The following SPEN variants were observed in gnomAD, a reference collection of about 807,000 sequenced individuals.
SPEN encodes spen family transcriptional repressor.
Under a neutral mutation model 269.9 loss-of-function variants are expected in SPEN, and 18 were observed. The ratio of observed to expected loss-of-function variants is 0.07; its 90% CI spans 0.05 to 0.10. The LOEUF is 0.10. Among genes scored for constraint, SPEN ranks in the 10% least tolerant of loss-of-function variants. SPEN has a pLI of 1.00. For synonymous variants in SPEN, 1,726 were observed against 1,765.7 expected, an observed-to-expected ratio of 0.98 and a Z score of 0.56; for missense variants, 3,822 against 4,631.2, an observed-to-expected ratio of 0.83 and a Z score of 5.07.
In SPEN at chr1:15,922,233, C is replaced by CT. The variant is rs532904941; in HGVS notation, c.1750-5dup. The stretch of plus-strand genomic sequence containing the variant: ...AATTTGAAACTTGCATCAAACACCT[C>CT]TTTTTTTTTTTAAAGGTGGATTTTG... On this transcript the variant is annotated splice_polypyrimidine_tract_variant and intron_variant, in intron 9 of 14. Coordinates refer to ENST00000375759, the MANE Select transcript of SPEN (RefSeq NM_015001.3). 54,171 of 1,026,432 alleles carry CT rather than the reference C, an allele frequency of 0.053. No homozygotes were observed. The highest frequency in any genetic ancestry group is 0.057 in the East Asian group (1,577 of 27,630). The allele number at this position is 1,026,432 out of a possible 1,614,324, so 63.6% of individuals were successfully genotyped here. A position where few individuals can be genotyped will look rare whatever the true frequency, so the allele number is the denominator to read the frequency against.
In SPEN at chr1:15,934,953, G is replaced by A. The variant is rs1456771008; in HGVS notation, c.8713G>A (p.Asp2905Asn). The A allele has an allele frequency of 1.9e-6, 3 of 1,613,944 alleles. No individual in the cohort carries two copies. The highest frequency in any genetic ancestry group is 2.5e-6 in the Non-Finnish European group (3 of 1,180,002). ...TCCTGTGATTTCGTCTGTGAAGGCC[G>A]ATAGGCCATCCTTGGAGAAGCCCGA... ...ASPVISSVKA[D>N]RPSLEKPEPI... The change falls in exon 11 of 15, where the codon GAT becomes AAT. Residue 2905 changes from aspartate (D) to asparagine (N), a missense_variant. Around this residue, in one of 16 missense-constraint regions of SPEN, gnomAD observed 329 missense variants for 431.2 expected, o/e 0.76. Coordinates refer to ENST00000375759, the MANE Select transcript of SPEN (RefSeq NM_015001.3). This position sits in a 1 kb window ranked among gnomAD's most constrained non-coding sequence, Gnocchi z 9.2.
At chr1:15,855,851 A>C (rs2070380973) in intron 1 of SPEN, among the ~76,000 whole-genome samples, 1 of 151,688 alleles carries the variant, frequency 6.6e-6, no homozygotes, top group Non-Finnish European at 1.5e-5. Context: ...TGACAGAGCA[A>C]GACTCTGTCT....
At chr1:15,867,579 A>G (rs1004986099) in intron 1 of SPEN, among the ~76,000 whole-genome samples, 1 of 152,104 alleles carries the variant, frequency 6.6e-6, no homozygotes, top group Non-Finnish European at 1.5e-5. Context: ...AAATGCTGCT[A>G]TGAAAATATC....
chr1:15,849,346 T>A (rs1214966827), intron 1 of SPEN, among the ~76,000 whole-genome samples: 1 of 152,240 alleles, frequency 6.6e-6, no homozygotes, highest in African/African-American at 2.4e-5. Flanking sequence ...GTCGCTCGCT[T>A]TGAGCCGCTT....
chr1:15,897,345 T>C (rs643919), intron 3 of SPEN, among the ~76,000 whole-genome samples: 102,488 of 151,166 alleles, frequency 0.68, 36,753 homozygotes, highest in African/African-American at 0.92. Flanking sequence ...TACGCCATCA[T>C]GCCTGGCTAA....
chr1:15,860,965 C>A (rs1311315859), intron 1 of SPEN, among the ~76,000 whole-genome samples: 1 of 151,958 alleles, frequency 6.6e-6, no homozygotes, highest in African/African-American at 2.4e-5. Flanking sequence ...AGAGCAGTGG[C>A]ACGGTCTTGG....
chr1:15,885,811 T>C lies in SPEN; in HGVS notation c.881+9133T>C, dbSNP rs2070731502. ...GACAAGAAATACACCAAAAAAACCC[T>C]TTTTTTCCCATCAGTGGCAGACAAA... On this transcript the variant is annotated intron_variant, in intron 3 of 14. Coordinates refer to ENST00000375759, the MANE Select transcript of SPEN (RefSeq NM_015001.3). 2.0e-5 allele frequency among the ~76,000 whole-genome samples: 3 copies of C among 148,942 alleles called. No homozygotes were observed. In the South Asian group the frequency reaches 6.2e-4, roughly 31 times the overall value.
chr1:15,929,486 A>G lies in SPEN; in HGVS notation c.3246A>G (p.Ser1082=). The G allele has an allele frequency of 6.2e-7, 1 of 1,613,424 alleles. No individual in the cohort carries two copies. Among genetic ancestry groups the G allele is most frequent in the Non-Finnish European group, 8.5e-7 (1 of 1,179,800 alleles). Residue 1082 remains serine (S), a synonymous_variant, in exon 11 of 15, where the codon TCA becomes TCG. Transcript: ENST00000375759. The surrounding 1 kb of genome is among the most constrained non-coding windows in gnomAD (Gnocchi z 5.8). ...TTGGGTCTGGCTCAAGGCCCAGCTC[A>G]GACCTACAAGCAAGACTGGGAGAAC... The part of the protein sequence containing the change: ...ISVGSGSRPS[S]DLQARLGELA...
chr1:15,906,023 A>G (rs1449517299), intron 3 of SPEN, among the ~76,000 whole-genome samples: 1 of 152,204 alleles, frequency 6.6e-6, no homozygotes, highest in Non-Finnish European at 1.5e-5. Context: ...GATTATTGCC[A>G]TTGACTAAGT....
rs899547130 is a variant in SPEN at position 15,853,687 on chromosome 1, G to A, written c.83+5537G>A. 1.1e-4 allele frequency among the ~76,000 whole-genome samples: 17 copies of A among 147,974 alleles called. 1 individual carries two copies. Among genetic ancestry groups the A allele is most frequent in the Admixed American group, 1.0e-3 (15 of 14,830 alleles). On this transcript the variant is annotated intron_variant, in intron 1 of 14. Transcript: ENST00000375759. Reference sequence around the variant, plus strand: ...TTTTGTATTTTTTTTTTTTTGAGACGGAGTCTCACTCTGTCACCCAGGCTG... The same window carrying A: ...TTTTGTATTTTTTTTTTTTTGAGACAGAGTCTCACTCTGTCACCCAGGCTG...
At chr1:15,895,142 G>A (rs112205279) in intron 3 of SPEN, among the ~76,000 whole-genome samples, 2 of 152,044 alleles carry the variant, frequency 1.3e-5, no homozygotes, top group East Asian at 1.9e-4. Flanking sequence ...GGCTGATCTC[G>A]AGCTCCCGAC....
At chr1:15,914,008 T>C (rs1453078588) in intron 5 of SPEN, among the ~76,000 whole-genome samples, 1 of 152,248 alleles carries the variant, frequency 6.6e-6, no homozygotes, top group East Asian at 1.9e-4. Context: ...TCTGAATTTT[T>C]TGAAATATTA....
At chr1:15,909,196 A>G (rs1262824536) in intron 3 of SPEN, 125 bp from the exon 4 acceptor site, 1 of 972,400 alleles carries the variant, frequency 1.0e-6, no homozygotes, top group African/African-American at 1.6e-5. Context: ...GATGTGTAGA[A>G]TGCAGGGCCT....
intron 10 of SPEN, among the ~76,000 whole-genome samples, chr1:15,926,421 A>G (rs1557757361): frequency 1.3e-5 from 2 of 151,582 alleles, no homozygotes; most frequent in Admixed American, 6.6e-5. Context: ...ACATTTATAA[A>G]TATATTTACA....
rs1157173060 is a variant in SPEN at position 15,928,952 on chromosome 1, T to A, written c.2712T>A (p.Asp904Glu). 8 of 1,614,122 alleles carry A rather than the reference T, an allele frequency of 5.0e-6. No homozygotes were observed. Among genetic ancestry groups the A allele is most frequent in the Non-Finnish European group, 6.8e-6 (8 of 1,180,060 alleles). The part of the protein sequence containing the change: ...TPVEKLKAKL[D>E]NDTVKSSALD... ...TGGAAAAGTTGAAAGCCAAGCTTGA[T>A]AATGACACTGTCAAATCTTCTGCCC... The change falls in exon 11 of 15, where the codon GAT (aspartate) becomes GAA (glutamate). Residue 904 changes from aspartate (D) to glutamate (E), a missense_variant. Coordinates refer to ENST00000375759, the MANE Select transcript of SPEN (RefSeq NM_015001.3). This position sits in a 1 kb window ranked among gnomAD's most constrained non-coding sequence, Gnocchi z 5.7.
intron 3 of SPEN, among the ~76,000 whole-genome samples, chr1:15,895,311 A>G (rs890901623): frequency 2.0e-5 from 3 of 152,182 alleles, no homozygotes; most frequent in East Asian, 1.9e-4. Context: ...ATCATTAAAC[A>G]ATAACTCCCA....
intron 13 of SPEN, among the ~76,000 whole-genome samples, chr1:15,938,313 A>G (rs2071299157): frequency 6.6e-6 from 1 of 152,108 alleles, no homozygotes; most frequent in Non-Finnish European, 1.5e-5. Context: ...ATGGGGTTTC[A>G]CCATGTTGGC....
rs1297917796 is a variant in SPEN, at chr1:15,931,391, G to A, written c.5151G>A (p.Ala1717=). 50 of 1,614,032 alleles carry A rather than the reference G, an allele frequency of 3.1e-5. No homozygotes were observed. Among genetic ancestry groups the A allele is most frequent in the East Asian group, 4.5e-5 (2 of 44,900 alleles). Residue 1717 remains alanine, a synonymous_variant, in exon 11 of 15, where the codon GCG becomes GCA. Transcript: ENST00000375759. This position sits in a 1 kb window ranked among gnomAD's most constrained non-coding sequence, Gnocchi z 4.8. ...ATAAAGAAGCTGCCATGATGCCTGC[G>A]GGTGTTGAGGAAGGTTCATCAGGTG... ...DPDKEAAMMP[A]GVEEGSSGDQ...
In SPEN at chr1:15,934,664, G is replaced by A. The variant is rs2071257222; in HGVS notation, c.8424G>A (p.Val2808=). 6.2e-7 allele frequency: 1 copy of A among 1,614,162 alleles called. No individual in the cohort carries two copies. The change falls in exon 11 of 15, where the codon GTG becomes GTA. Residue 2808 remains valine (V), a synonymous_variant. Coordinates refer to ENST00000375759, the MANE Select transcript of SPEN (RefSeq NM_015001.3). This position sits in a 1 kb window ranked among gnomAD's most constrained non-coding sequence, Gnocchi z 9.2. ...CGGGCTCAGGGGCGGGGCTGCGTGT[G>A]AACACTTCTGAAGGGGTTGTGCTCC... ...ADAGSGAGLR[V]NTSEGVVLLS... is the part of the protein sequence containing the mutation.
Sources: allele counts gnomAD v4.1 joint callset (sites outside exome capture counted in the v4.1 genomes callset), GRCh38; gene constraint gnomAD v4.1.1; regional missense constraint gnomAD v4.1.1; non-coding constraint Gnocchi (gnomAD v3.1); transcripts MANE v1.5; gene names NCBI Gene and HGNC (gene_info 2026-07-23, HGNC 2026-07-21).